The following SLC36A4 variants were observed in gnomAD, a reference collection of about 807,000 sequenced individuals.
The protein encoded by SLC36A4 is neutral amino acid uniporter 4.
A neutral mutation model predicts 50.5 loss-of-function variants in SLC36A4; 49 were observed. The ratio of observed to expected loss-of-function variants is 0.97; its 90% confidence interval spans 0.77 to 1.23. The LOEUF is 1.23. Among genes scored for constraint, SLC36A4 ranks in the 50% most tolerant of loss-of-function variants. SLC36A4 has a pLI of 0.00. For missense variants in SLC36A4, 611 were observed against 608.4 expected, an observed-to-expected ratio of 1.00 and a Z score of -0.05; for synonymous variants, 207 against 206.5, an observed-to-expected ratio of 1.00 and a Z score of -0.02.
At chr11:93,187,224 C>T (rs1051973201) in intron 1 of SLC36A4, among the ~76,000 whole-genome samples, 7 of 152,128 alleles carry the variant, frequency 4.6e-5, no homozygotes, top group African/African-American at 1.7e-4. Flanking sequence ...CATTAAGTAA[C>T]TTGTTCTTTT....
intron 9 of SLC36A4, chr11:93,154,497 A>G: frequency 3.9e-6 from 1 of 257,172 alleles, no homozygotes; most frequent in Non-Finnish European, 7.2e-6. Flanking sequence ...AAGCTTGAAC[A>G]TGCATGCCAG....
Position 93,197,804 on chromosome 11 carries a change from GCAGCCGC to G in SLC36A4, c.22_28del (p.Ala8ProfsTer9). On this transcript the variant is annotated frameshift_variant, in exon 1 of 11. Transcript: ENST00000326402. LOFTEE classifies it high-confidence loss of function. ...TAGCTCCTCGCGCCTCGCCGCCCCG[GCAGCCGC>G]CGGCGTCGCCGCCGCTTCCATCTCT... 10 of 1,582,912 alleles carry G rather than the reference GCAGCCGC, an allele frequency of 6.3e-6. No individual in the cohort carries two copies. Among genetic ancestry groups the G allele is most frequent in the Non-Finnish European group, 8.5e-6 (10 of 1,172,520 alleles).
At chr11:93,148,983 A>T (rs1022738811) in intron 10 of SLC36A4, 139 bp from the exon 11 acceptor site, 1 of 958,912 alleles carries the variant, frequency 1.0e-6, no homozygotes. Flanking sequence ...ATTGCTTGTG[A>T]AAAAAATCTG....
intron 9 of SLC36A4, among the ~76,000 whole-genome samples, chr11:93,159,211 T>C (rs1860510242): frequency 1.3e-5 from 2 of 152,172 alleles, no homozygotes; most frequent in South Asian, 4.1e-4. Context: ...GACAGAAATG[T>C]ATTTTTAATA....
At chr11:93,160,357 A>G in intron 9 of SLC36A4, 1 of 985,364 alleles carries the variant, frequency 1.0e-6, no homozygotes, top group Non-Finnish European at 1.2e-6. Context: ...GGATACTTGT[A>G]CTAGGGTTTC....
rs761704094 is a variant in SLC36A4, at chr11:93,144,474, T to C, written c.*4063A>G. 1.6e-4 allele frequency: 24 copies of C among 152,194 alleles called. No homozygotes were observed. Among genetic ancestry groups the C allele is most frequent in the Middle Eastern group, 3.4e-3 (1 of 294 alleles). The allele number at this position is 152,194 out of a possible 1,614,324, so 9.4% of individuals were successfully genotyped here. A position where few individuals can be genotyped will look rare whatever the true frequency, so the allele number is the denominator to read the frequency against. ...TAAATAGTAATTTAGTATTAGTATC[T>C]AGTTCACATAGATTACTGATTTGTG... On this transcript the variant is annotated 3_prime_UTR_variant, in exon 11 of 11. Transcript: ENST00000326402.
rs1325263575 is a variant in SLC36A4 at position 93,191,097 on chromosome 11, G to A, written c.56-5283C>T. On this transcript the variant is annotated intron_variant, in intron 1 of 10. Transcript: ENST00000326402. ...AAGAAGTTGCATCTTTAAATGGTAAGAGCCTATATAAACCTAGATCTCTGA... is the reference window on the plus strand; with the variant it reads ...AAGAAGTTGCATCTTTAAATGGTAAAAGCCTATATAAACCTAGATCTCTGA... Among the ~76,000 whole-genome samples the A allele has an allele frequency of 5.3e-5, 8 of 152,148 alleles. 1 individual carries two copies. The highest frequency in any genetic ancestry group is 8.8e-5 in the Non-Finnish European group (6 of 68,020).
intron 6 of SLC36A4, among the ~76,000 whole-genome samples, chr11:93,175,879 AT>A (rs1379650882): frequency 1.0e-5 from 1 of 98,296 alleles, no homozygotes; most frequent in Non-Finnish European, 2.0e-5. Flanking sequence ...TATGTGGTCA[AT>A]TTTGGAATAG....
At position 93,180,779 on chromosome 11, in the gene SLC36A4, C is replaced by G. The variant is rs776641268; in HGVS notation, c.540+18G>C. On this transcript the variant is annotated intron_variant, in intron 6 of 10. Transcript: ENST00000326402. ...CTTTAGAAGAAAATGATTTCACTAA[C>G]TGGAGAAAAATACTCACTTGTTTCA... The G allele has an allele frequency of 3.8e-6, 6 of 1,567,354 alleles. No homozygotes were observed. In the South Asian group the frequency reaches 5.6e-5, roughly 15 times the overall value.
chr11:93,176,921 T>C (rs1336643323), intron 6 of SLC36A4, among the ~76,000 whole-genome samples: 2 of 152,166 alleles, frequency 1.3e-5, no homozygotes, highest in African/African-American at 4.8e-5. Context: ...TCTGACAATT[T>C]ATGTGTCTTG....
chr11:93,180,286 ACTT>A (rs1353735823), intron 6 of SLC36A4: 6 of 985,240 alleles, frequency 6.1e-6, no homozygotes, highest in African/African-American at 3.5e-5. Flanking sequence ...ACTGCAAACC[ACTT>A]CTTCTTAAAG....
At chr11:93,184,966 C>G (rs1242212744) in intron 2 of SLC36A4, among the ~76,000 whole-genome samples, 1 of 152,014 alleles carries the variant, frequency 6.6e-6, no homozygotes, top group Non-Finnish European at 1.5e-5. Flanking sequence ...ATACTAAACA[C>G]ATTTGATCTA....
At chr11:93,159,411 T>C (rs1006943476) in intron 9 of SLC36A4, among the ~76,000 whole-genome samples, 1 of 152,118 alleles carries the variant, frequency 6.6e-6, no homozygotes, top group Non-Finnish European at 1.5e-5. Flanking sequence ...ACTTGGGAAA[T>C]AAGTTGGTGA....
chr11:93,184,305 A>G (rs1861878702), intron 3 of SLC36A4, 125 bp downstream of exon 3: 4 of 690,554 alleles, frequency 5.8e-6, no homozygotes. Flanking sequence ...TTTTATCAAG[A>G]CAACATCTAA....
At chr11:93,148,990 T>C in intron 10 of SLC36A4, 146 bp from the exon 11 acceptor site, 12 of 929,382 alleles carry the variant, frequency 1.3e-5, no homozygotes, top group Non-Finnish European at 1.9e-5. Flanking sequence ...GTGAAAAAAA[T>C]CTGCCATATT....
At chr11:93,160,254 CA>C in intron 9 of SLC36A4, 4 of 985,426 alleles carry the variant, frequency 4.1e-6, no homozygotes, top group Non-Finnish European at 4.8e-6. Context: ...CATATCTCCA[CA>C]GTGCAAAGGC....
chr11:93,162,685 G>C (rs775273006), intron 9 of SLC36A4, 21 bp downstream of exon 9: 1 of 1,558,970 alleles, frequency 6.4e-7, no homozygotes, highest in East Asian at 2.3e-5. Flanking sequence ...AACTAATATT[G>C]ACAAATTCAT....
chr11:93,156,955 T>G (rs953085807), intron 9 of SLC36A4, among the ~76,000 whole-genome samples: 1 of 151,942 alleles, frequency 6.6e-6, no homozygotes, highest in Non-Finnish European at 1.5e-5. Flanking sequence ...GGTATTTTCT[T>G]CCAGGGTTTT....
At chr11:93,190,341 T>C (rs1862164112) in intron 1 of SLC36A4, among the ~76,000 whole-genome samples, 1 of 152,158 alleles carries the variant, frequency 6.6e-6, no homozygotes. Context: ...TAATTTGTTA[T>C]GTATTTCAAA....
Sources: gnomAD v4.1 joint callset for allele counts (sites outside exome capture counted in the v4.1 genomes callset) on GRCh38, gnomAD v4.1.1 for gene constraint, MANE v1.5 for transcripts, NCBI Gene and HGNC (gene_info 2026-07-23, HGNC 2026-07-21) for gene names.